The following SDK1 variants were observed in gnomAD, a reference collection of about 807,000 sequenced individuals.
The protein encoded by SDK1 is sidekick cell adhesion molecule 1.
A neutral mutation model predicts 245.5 loss-of-function variants in SDK1; 157 were observed. The observed-to-expected ratio is 0.64, with a 90% CI of 0.56 to 0.73. The LOEUF is 0.73. Among genes scored for constraint, SDK1 ranks in the 30% least tolerant of loss-of-function variants. The pLI is 0.00. For synonymous variants in SDK1, 1,647 were observed against 1,278.5 expected, an observed-to-expected ratio of 1.29 and a Z score of -6.15; for missense variants, 3,583 against 3,002.3, an observed-to-expected ratio of 1.19 and a Z score of -4.52.
At chr7:4,196,206 C>T (rs1783567551) in intron 35 of SDK1, among the ~76,000 whole-genome samples, 1 of 152,196 alleles carries the variant, frequency 6.6e-6, no homozygotes, top group Non-Finnish European at 1.5e-5. Context: ...GTCACTGCAA[C>T]TGGTGGATTC....
chr7:3,396,892 A>C (rs1224090954), intron 1 of SDK1, among the ~76,000 whole-genome samples: 1 of 151,360 alleles, frequency 6.6e-6, no homozygotes, highest in African/African-American at 2.4e-5. Context: ...ATACCTTTTC[A>C]TTATATGTTT....
At chr7:3,959,299 G>A (rs1781496510) in intron 8 of SDK1, among the ~76,000 whole-genome samples, 2 of 152,142 alleles carry the variant, frequency 1.3e-5, no homozygotes. Context: ...ATCATATCCT[G>A]TGGACTCCCC....
chr7:3,870,388 G>A (rs1373902035), intron 5 of SDK1, among the ~76,000 whole-genome samples: 1 of 152,076 alleles, frequency 6.6e-6, no homozygotes, highest in Non-Finnish European at 1.5e-5. Context: ...TAAAAGGAGT[G>A]CTCAATAAGG....
chr7:4,209,699 G>A (rs563105412), intron 37 of SDK1, among the ~76,000 whole-genome samples: 42 of 152,334 alleles, frequency 2.8e-4, no homozygotes, highest in African/African-American at 9.6e-4. Flanking sequence ...TCCTCCAGCA[G>A]TTGCTAGAAA....
intron 28 of SDK1, chr7:4,134,636 G>T (rs1018426012): frequency 6.6e-6 from 1 of 152,512 alleles, no homozygotes; most frequent in Non-Finnish European, 1.5e-5. Flanking sequence ...AAGCAGGCTC[G>T]CCCCAGCCCC....
chr7:3,950,249 G>A lies in SDK1; in HGVS notation c.848-674G>A, dbSNP rs10231218. ...TCTCATGTGGTCTGAGAAAGGCCAG[G>A]GACAGTGACCCTGCCCCAGGGCTTC... On this transcript the variant is annotated intron_variant, in intron 5 of 44. Coordinates refer to ENST00000404826, the MANE Select transcript of SDK1 (RefSeq NM_152744.4). Among the ~76,000 whole-genome samples, 745 of 152,260 alleles carry A rather than the reference G, an allele frequency of 4.9e-3. 8 individuals carry two copies. The highest frequency in any genetic ancestry group is 0.017 in the African/African-American group (714 of 41,544).
At chr7:3,782,735 A>G (rs1780783062) in intron 4 of SDK1, among the ~76,000 whole-genome samples, 1 of 152,238 alleles carries the variant, frequency 6.6e-6, no homozygotes, top group African/African-American at 2.4e-5. Flanking sequence ...ATCATACTGC[A>G]TATTAGTAGT....
intron 4 of SDK1, among the ~76,000 whole-genome samples, chr7:3,751,387 G>T (rs1354415873): frequency 6.7e-6 from 1 of 149,656 alleles, no homozygotes; most frequent in South Asian, 2.1e-4. Flanking sequence ...TCTCCAAGAT[G>T]CTGCCTATGG....
chr7:3,396,376 A>C (rs888323150), intron 1 of SDK1, among the ~76,000 whole-genome samples: 5 of 151,524 alleles, frequency 3.3e-5, no homozygotes, highest in Non-Finnish European at 7.4e-5. Context: ...TGTTGTGTGG[A>C]GTGTGCTTTA....
In SDK1 at chr7:3,652,633, C is replaced by G. The variant is rs75484574; in HGVS notation, c.713+10528C>G. Among the ~76,000 whole-genome samples the G allele has an allele frequency of 3.2e-3, 484 of 152,286 alleles. 5 individuals carry two copies. In the East Asian group the frequency reaches 0.05, roughly 16 times the overall value. On this transcript the variant is annotated intron_variant, in intron 4 of 44. Transcript: ENST00000404826. ...GAAGAGAGAGTATTAGGTTATCATT[C>G]AGACAGTCAGAAGCGAACTAGGGAA...
chr7:3,822,202 A>C (rs937521702), intron 5 of SDK1, among the ~76,000 whole-genome samples: 2 of 152,194 alleles, frequency 1.3e-5, no homozygotes, highest in African/African-American at 4.8e-5. Context: ...AAGAAGGGAA[A>C]ATCACCCAAA....
At chr7:3,411,557 GT>G (rs894758941) in intron 1 of SDK1, among the ~76,000 whole-genome samples, 1 of 152,088 alleles carries the variant, frequency 6.6e-6, no homozygotes, top group Non-Finnish European at 1.5e-5. Flanking sequence ...TTAGAGATCA[GT>G]TACAAACTTG....
chr7:3,619,006 G>C, intron 1 of SDK1, 74 bp from the exon 2 acceptor site: 7 of 1,179,774 alleles, frequency 5.9e-6, no homozygotes, highest in Non-Finnish European at 8.3e-6. Flanking sequence ...TTAAATAATA[G>C]ATTTATTAAA....
chr7:3,575,560 G>C (rs1222999180), intron 1 of SDK1, among the ~76,000 whole-genome samples: 4 of 152,026 alleles, frequency 2.6e-5, no homozygotes, highest in Non-Finnish European at 5.9e-5. Flanking sequence ...GCTGTAGATA[G>C]TGCTTTTTGC....
At chr7:3,628,784 A>G (rs891534413) in intron 2 of SDK1, among the ~76,000 whole-genome samples, 1 of 152,176 alleles carries the variant, frequency 6.6e-6, no homozygotes, top group African/African-American at 2.4e-5. Flanking sequence ...AAGACATTGG[A>G]TATCAGGCAG....
chr7:4,203,292 C>T (rs759518669), intron 35 of SDK1, among the ~76,000 whole-genome samples: 10 of 152,178 alleles, frequency 6.6e-5, no homozygotes, highest in Middle Eastern at 3.2e-3. Flanking sequence ...CTCATTGCCT[C>T]AGCAAGATCC....
intron 42 of SDK1, among the ~76,000 whole-genome samples, chr7:4,238,960 T>G (rs1786358535): frequency 6.6e-6 from 1 of 152,182 alleles, no homozygotes; most frequent in Non-Finnish European, 1.5e-5. Flanking sequence ...CGTTGATGTT[T>G]TGCTGTGGCT....
chr7:3,950,344 T>TA (rs1318949596), intron 5 of SDK1, among the ~76,000 whole-genome samples: 2 of 152,206 alleles, frequency 1.3e-5, no homozygotes, highest in Admixed American at 6.5e-5. Flanking sequence ...ATAGTCTTCA[T>TA]TTGTCATGCT....
At chr7:3,370,172 T>G (rs1371996008) in intron 1 of SDK1, among the ~76,000 whole-genome samples, 2 of 152,208 alleles carry the variant, frequency 1.3e-5, no homozygotes, top group African/African-American at 4.8e-5. Flanking sequence ...AGAGTGGTTG[T>G]TAATGCCTCA....
Sources: gnomAD v4.1 joint callset for allele counts (sites outside exome capture counted in the v4.1 genomes callset) on GRCh38, gnomAD v4.1.1 for gene constraint, MANE v1.5 for transcripts, NCBI Gene and HGNC (gene_info 2026-07-23, HGNC 2026-07-21) for gene names.